DLGAP3: variants seen among roughly 807,000 people sequenced by gnomAD.
DLGAP3 encodes the protein DLG associated protein 3.
Under a neutral mutation model 81.2 loss-of-function variants are expected in DLGAP3, and 17 were observed. The observed-to-expected ratio is 0.21, with a 90% CI of 0.14 to 0.31. The LOEUF (loss-of-function observed/expected upper bound fraction) is 0.31, where lower values mean the gene tolerates loss of function less well. Among genes scored for constraint, DLGAP3 ranks in the 10% least tolerant of loss-of-function variants. The probability of loss-of-function intolerance (pLI) is 1.00; values close to 1 mark genes in which losing one functional copy is unlikely to be tolerated. For synonymous variants in DLGAP3, 577 were observed against 587.4 expected, an observed-to-expected ratio of 0.98 and a Z score of 0.26; for missense variants, 1,124 against 1,388.0, an observed-to-expected ratio of 0.81 and a Z score of 3.02.
chr1:34,890,666 A>C (rs1639297432), intron 5 of DLGAP3, among the ~76,000 whole-genome samples: 1 of 152,218 alleles, frequency 6.6e-6, no homozygotes, highest in African/African-American at 2.4e-5. Context: ...AGTAGCCAGC[A>C]AGGATCTGTA....
chr1:34,883,333 T>C (rs960507072), intron 8 of DLGAP3, among the ~76,000 whole-genome samples: 1 of 152,216 alleles, frequency 6.6e-6, no homozygotes, highest in Non-Finnish European at 1.5e-5. Context: ...GTTTGCTGAT[T>C]TAGCAAGAGT....
At chr1:34,897,037 A>C (rs899361498) in intron 5 of DLGAP3, among the ~76,000 whole-genome samples, 3 of 152,222 alleles carry the variant, frequency 2.0e-5, no homozygotes, top group Admixed American at 2.0e-4. Context: ...ACTATTTTCA[A>C]AAAATATACC....
intron 8 of DLGAP3, among the ~76,000 whole-genome samples, chr1:34,883,946 TCTCA>T (rs1284079438): frequency 6.6e-6 from 1 of 151,926 alleles, no homozygotes; most frequent in Admixed American, 6.5e-5. Context: ...TTTGAGATAG[TCTCA>T]CTCAGTCACC....
intron 8 of DLGAP3, among the ~76,000 whole-genome samples, chr1:34,871,738 C>T (rs1341274538): frequency 2.0e-5 from 3 of 152,192 alleles, no homozygotes; most frequent in Admixed American, 6.5e-5. Flanking sequence ...CTGCCATGTT[C>T]GCTGCCTTCC....
At chr1:34,885,947 C>A in intron 6 of DLGAP3, 125 bp downstream of exon 6, 1 of 1,194,550 alleles carries the variant, frequency 8.4e-7, no homozygotes, top group South Asian at 1.5e-5. Context: ...GACGCTCTCC[C>A]CGTCATCCGA....
At chr1:34,916,378 T>C (rs1024325877) in intron 1 of DLGAP3, among the ~76,000 whole-genome samples, 1 of 152,232 alleles carries the variant, frequency 6.6e-6, no homozygotes, top group African/African-American at 2.4e-5. Context: ...CTCTGGTGCC[T>C]TTCAACTCTG....
chr1:34,899,368 A>C (rs1163494301), intron 5 of DLGAP3, among the ~76,000 whole-genome samples: 1 of 152,172 alleles, frequency 6.6e-6, no homozygotes, highest in Non-Finnish European at 1.5e-5. Context: ...GCACCCGGCC[A>C]ATCCTACCTT....
rs776921512 is a variant in DLGAP3 at position 34,866,243 on chromosome 1, G to C, written c.2780C>G (p.Pro927Arg). 7 of 1,569,086 alleles carry C rather than the reference G, an allele frequency of 4.5e-6. No homozygotes were observed. In the Admixed American group the frequency reaches 9.1e-5, roughly 20 times the overall value. Residue 927 changes from proline to arginine, a missense_variant, in exon 12 of 12, where the codon CCG becomes CGG. Physicochemically the swap from Pro to Arg is moderately radical, Grantham distance 103. Around this residue, in one of 9 missense-constraint regions of DLGAP3, gnomAD observed 133 missense variants for 171.1 expected, o/e 0.78. Coordinates refer to ENST00000373347, the MANE Select transcript of DLGAP3 (RefSeq NM_001080418.3). ...PKKPLRGRGVPVKERSLDSVD... is the reference protein window; with the variant it reads ...PKKPLRGRGVRVKERSLDSVD... Reference sequence around the variant, plus strand: ...GGAGTCCAGGGAGCGCTCCTTCACCGGCACGCCCCGGCCCCGCAGGGGCTT... The same window carrying C: ...GGAGTCCAGGGAGCGCTCCTTCACCCGCACGCCCCGGCCCCGCAGGGGCTT...
intron 1 of DLGAP3, among the ~76,000 whole-genome samples, chr1:34,920,057 C>T (rs1229108934): frequency 1.3e-5 from 2 of 152,176 alleles, no homozygotes; most frequent in African/African-American, 4.8e-5. Flanking sequence ...TGTCCCACCC[C>T]CACCACATCT....
intron 7 of DLGAP3, 22 bp from the exon 8 acceptor site, chr1:34,885,085 C>A (rs1183384195): frequency 2.5e-6 from 4 of 1,604,662 alleles, no homozygotes; most frequent in Admixed American, 1.7e-5. Flanking sequence ...GTGGAGGAGT[C>A]AGTGGCTGTG....
chr1:34,915,749 A>T (rs562406245), intron 1 of DLGAP3, among the ~76,000 whole-genome samples: 43 of 152,274 alleles, frequency 2.8e-4, no homozygotes, highest in South Asian at 2.5e-3. Flanking sequence ...CTTCAAGGAT[A>T]TCTATACCTC....
At chr1:34,898,709 C>T (rs1455336087) in intron 5 of DLGAP3, among the ~76,000 whole-genome samples, 1 of 152,178 alleles carries the variant, frequency 6.6e-6, no homozygotes, top group East Asian at 1.9e-4. Flanking sequence ...AGTCAAGTAA[C>T]TTGCCCCAGG....
chr1:34,884,411 G>T (rs1262770622), intron 8 of DLGAP3, among the ~76,000 whole-genome samples: 1 of 152,002 alleles, frequency 6.6e-6, no homozygotes, highest in East Asian at 1.9e-4. Flanking sequence ...AGGAGTCAAT[G>T]TTTCTGAGGC....
chr1:34,887,421 G>A (rs990228098), intron 5 of DLGAP3, among the ~76,000 whole-genome samples: 7 of 150,924 alleles, frequency 4.6e-5, no homozygotes, highest in Admixed American at 3.3e-4. Flanking sequence ...AAAAAAAAAA[G>A]TTAAAGTATG....
At chr1:34,872,732 A>G (rs989945155) in intron 8 of DLGAP3, among the ~76,000 whole-genome samples, 1 of 152,196 alleles carries the variant, frequency 6.6e-6, no homozygotes, top group Admixed American at 6.5e-5. Flanking sequence ...GAATAATGCA[A>G]CCTAGGGACT....
chr1:34,924,800 G>A (rs534601242), intron 1 of DLGAP3, among the ~76,000 whole-genome samples: 1 of 152,310 alleles, frequency 6.6e-6, no homozygotes, highest in South Asian at 2.1e-4. Context: ...GGCCCCTTGG[G>A]GGAAGGGTTC....
chr1:34,906,034 T>TATATATATATATATATATATATATATATA (rs1557492434), intron 2 of DLGAP3, among the ~76,000 whole-genome samples: 15 of 39,116 alleles, frequency 3.8e-4, no homozygotes, highest in Middle Eastern at 9.6e-3. Flanking sequence ...ATATATATAT[T>TATATATATATATATATATATATATATATA]TGTTTGTTTT....
In DLGAP3 at chr1:34,904,599, C is replaced by T; in HGVS notation, c.785G>A (p.Ser262Asn). ...RHQAKSTGWW[S>N]SDDNLDSDSG... ...ATCACTGTCCAAGTTGTCATCGGAA[C>T]TCCACCAGCCTGTGGACTTGGCCTG... The change falls in exon 3 of 12, where the codon AGT becomes AAT. Residue 262 changes from serine (S) to asparagine (N), a missense_variant. Physicochemically the swap from Ser to Asn is conservative, Grantham distance 46 (BLOSUM62 1). This residue lies in a region of DLGAP3 where 357 missense variants were observed against 408.8 expected (regional missense o/e 0.87). Transcript: ENST00000373347. The surrounding 1 kb of genome is among the most constrained non-coding windows in gnomAD (Gnocchi z 8.1). The T allele has an allele frequency of 6.2e-7, 1 of 1,614,258 alleles. No individual in the cohort carries two copies. Among genetic ancestry groups the T allele is most frequent in the African/African-American group, 1.3e-5 (1 of 75,074 alleles).
At chr1:34,924,058 C>G (rs949497986) in intron 1 of DLGAP3, among the ~76,000 whole-genome samples, 1 of 152,140 alleles carries the variant, frequency 6.6e-6, no homozygotes, top group African/African-American at 2.4e-5. Flanking sequence ...ATCTGCATGT[C>G]CTGACATTTG....
Sources: allele counts gnomAD v4.1 joint callset (sites outside exome capture counted in the v4.1 genomes callset), GRCh38; gene constraint gnomAD v4.1.1; regional missense constraint gnomAD v4.1.1; non-coding constraint Gnocchi (gnomAD v3.1); transcripts MANE v1.5; gene names NCBI Gene and HGNC (gene_info 2026-07-23, HGNC 2026-07-21).